The following ATP6V0E1 variants were observed in gnomAD, a reference collection of about 807,000 sequenced individuals.
ATP6V0E1 encodes the protein V-type proton ATPase subunit e 1.
In ATP6V0E1, 4 loss-of-function variants were observed where a neutral mutation model predicts 11.6. The ratio of observed to expected loss-of-function variants is 0.35; its 90% CI spans 0.17 to 0.79. The LOEUF is 0.79. Ranked by LOEUF, ATP6V0E1 falls within the 30% of genes least tolerant of loss-of-function variation. The pLI is 0.54. For missense variants in ATP6V0E1, 105 were observed against 100.0 expected (o/e 1.05, Z -0.21); for synonymous variants, 36 against 34.8 (o/e 1.04, Z -0.13).
intron 3 of ATP6V0E1, among the ~76,000 whole-genome samples, chr5:173,023,344 C>T (rs1304898858): frequency 6.6e-6 from 1 of 152,176 alleles, no homozygotes; most frequent in Non-Finnish European, 1.5e-5. Flanking sequence ...CAGGTGTGTG[C>T]TACCACACCC....
chr5:173,008,450 G>T (rs1327978217), intron 2 of ATP6V0E1, among the ~76,000 whole-genome samples: 1 of 150,620 alleles, frequency 6.6e-6, no homozygotes, highest in Non-Finnish European at 1.5e-5. Flanking sequence ...ACAGGTGCGT[G>T]CCACACTGCC....
At chr5:173,009,245 T>A (rs1360350088) in intron 2 of ATP6V0E1, among the ~76,000 whole-genome samples, 1 of 151,440 alleles carries the variant, frequency 6.6e-6, no homozygotes, top group Non-Finnish European at 1.5e-5. Flanking sequence ...ATTAAAAAAA[T>A]AAATAAATAA....
Position 172,994,836 on chromosome 5 carries a change from T to C in ATP6V0E1, c.152+14T>C, listed in dbSNP as rs1472990523. The C allele has an allele frequency of 5.0e-6, 8 of 1,588,830 alleles. No homozygotes were observed. Among genetic ancestry groups the C allele is most frequent in the Non-Finnish European group, 6.9e-6 (8 of 1,163,840 alleles). ...CTGCTATCTCTTGTAAGTAATTTTT[T>C]CTTAAGTAATTATTCTTGGTATTTG... On this transcript the variant is annotated intron_variant, in intron 2 of 3. Coordinates refer to ENST00000519374, the MANE Select transcript of ATP6V0E1 (RefSeq NM_003945.4).
intron 3 of ATP6V0E1, among the ~76,000 whole-genome samples, chr5:173,030,840 C>T (rs1031440630): frequency 2.6e-5 from 4 of 152,038 alleles, no homozygotes; most frequent in African/African-American, 7.2e-5. Flanking sequence ...CATTGACCTC[C>T]CAGGTTCAAG....
At chr5:173,007,437 T>C (rs911065074) in intron 2 of ATP6V0E1, among the ~76,000 whole-genome samples, 8 of 152,224 alleles carry the variant, frequency 5.3e-5, no homozygotes, top group African/African-American at 4.8e-5. Flanking sequence ...CCTGGCCATA[T>C]GGCCCCTCCA....
chr5:173,011,497 A>G (rs913342207), intron 2 of ATP6V0E1, among the ~76,000 whole-genome samples: 1 of 152,020 alleles, frequency 6.6e-6, no homozygotes, highest in Non-Finnish European at 1.5e-5. Context: ...TTCATCCTTA[A>G]TAGCCTATAG....
At position 172,985,060 on chromosome 5, in the gene ATP6V0E1, C is replaced by T. The variant is rs374987854; in HGVS notation, c.104+1096C>T. 3.3e-5 allele frequency among the ~76,000 whole-genome samples: 5 copies of T among 152,108 alleles called. No homozygotes were observed. The East Asian group carries it at 7.7e-4, about 24-fold the overall frequency. Reference sequence around the variant, plus strand: ...AGGAGATCGAGACCATCCTGGCTAACACGGTGAAACCCGTCTCTACTAAAA... The same window carrying T: ...AGGAGATCGAGACCATCCTGGCTAATACGGTGAAACCCGTCTCTACTAAAA... On this transcript the variant is annotated intron_variant, in intron 1 of 3. Transcript: ENST00000519374.
chr5:172,987,129 G>T, intron 1 of ATP6V0E1: 1 of 215,238 alleles, frequency 4.6e-6, no homozygotes, highest in South Asian at 5.7e-5. Context: ...GAAGAAACTG[G>T]AGGAGCTGAA....
At chr5:172,996,260 G>T (rs1163549119) in intron 2 of ATP6V0E1, among the ~76,000 whole-genome samples, 1 of 152,080 alleles carries the variant, frequency 6.6e-6, no homozygotes, top group East Asian at 1.9e-4. Flanking sequence ...GCAAAGTCCA[G>T]TATTAAAGTC....
intron 2 of ATP6V0E1, among the ~76,000 whole-genome samples, chr5:173,002,302 G>A (rs530400476): frequency 6.6e-6 from 1 of 152,162 alleles, no homozygotes; most frequent in Non-Finnish European, 1.5e-5. Context: ...TTATTTTACA[G>A]CTTGCTGGAA....
At chr5:173,023,609 C>T (rs1756515563) in intron 3 of ATP6V0E1, among the ~76,000 whole-genome samples, 2 of 152,238 alleles carry the variant, frequency 1.3e-5, no homozygotes, top group African/African-American at 2.4e-5. Flanking sequence ...CTTTGGGATG[C>T]TGAGGCAGGC....
intron 3 of ATP6V0E1, among the ~76,000 whole-genome samples, chr5:173,024,681 T>G (rs1756529562): frequency 6.6e-6 from 1 of 152,122 alleles, no homozygotes; most frequent in South Asian, 2.1e-4. Flanking sequence ...GTGCGTTTGT[T>G]GCTGCCTGGG....
At chr5:173,021,879 C>T (rs1416331100) in intron 3 of ATP6V0E1, among the ~76,000 whole-genome samples, 1 of 152,068 alleles carries the variant, frequency 6.6e-6, no homozygotes, top group Non-Finnish European at 1.5e-5. Flanking sequence ...ACTAAAAATA[C>T]AAAAAATTAG....
At chr5:173,028,712 GT>G (rs1756598617) in intron 3 of ATP6V0E1, among the ~76,000 whole-genome samples, 1 of 152,216 alleles carries the variant, frequency 6.6e-6, no homozygotes, top group Non-Finnish European at 1.5e-5. Flanking sequence ...AGCACGTTAT[GT>G]TTATTGGCTG....
At position 173,032,249 on chromosome 5, in the gene ATP6V0E1, T is replaced by TTTTATTTTA. The variant is rs1206831982; in HGVS notation, c.*37-2143_*37-2142insTATTTATTT. On this transcript the variant is annotated intron_variant, in intron 3 of 3. Coordinates refer to ENST00000519374, the MANE Select transcript of ATP6V0E1 (RefSeq NM_003945.4). ...ATAATGCACATTTACTTTTATTTTATTTTATTTATTTATTTATTTATTTAT... is the reference window on the plus strand; with the variant it reads ...ATAATGCACATTTACTTTTATTTTATTTTATTTTATTTATTTATTTATTTATTTATTTAT... 1.6e-3 allele frequency among the ~76,000 whole-genome samples: 209 copies of TTTTATTTTA among 132,272 alleles called. 1 individual carries two copies. The highest frequency in any genetic ancestry group is 1.9e-3 in the East Asian group (9 of 4,698). The allele number at this position is 132,272 out of a possible 152,430, so 86.8% of individuals were successfully genotyped here.
chr5:173,033,140 C>T (rs948881937), intron 3 of ATP6V0E1, among the ~76,000 whole-genome samples: 1 of 152,122 alleles, frequency 6.6e-6, no homozygotes, highest in Non-Finnish European at 1.5e-5. Context: ...GGCTCTGTCA[C>T]CTAGGCTGGG....
At chr5:172,988,484 T>A (rs943187000) in intron 1 of ATP6V0E1, among the ~76,000 whole-genome samples, 3 of 152,120 alleles carry the variant, frequency 2.0e-5, no homozygotes, top group Non-Finnish European at 4.4e-5. Context: ...GGGATTTTTT[T>A]AAAAAGGAAA....
At chr5:172,994,929 C>A (rs1756036943) in intron 2 of ATP6V0E1, 107 bp downstream of exon 2, 3 of 859,630 alleles carry the variant, frequency 3.5e-6, no homozygotes, top group Non-Finnish European at 5.3e-6. Flanking sequence ...GAAATAGTGT[C>A]CTAAAATTGA....
At chr5:172,998,159 A>G (rs577686071) in intron 2 of ATP6V0E1, among the ~76,000 whole-genome samples, 1 of 150,710 alleles carries the variant, frequency 6.6e-6, no homozygotes, top group African/African-American at 2.4e-5. Flanking sequence ...TTTAAACACT[A>G]AGGCCCAGCT....
Sources: gnomAD v4.1 joint callset for allele counts (sites outside exome capture counted in the v4.1 genomes callset) on GRCh38, gnomAD v4.1.1 for gene constraint, MANE v1.5 for transcripts, NCBI Gene and HGNC (gene_info 2026-07-23, HGNC 2026-07-21) for gene names.